The following PRKDC variants were observed in gnomAD, a reference collection of about 807,000 sequenced individuals.
The protein encoded by PRKDC is DNA-dependent protein kinase catalytic subunit.
PRKDC carries 82 observed loss-of-function variants against 486.9 expected under a neutral mutation model. The observed-to-expected ratio is 0.17, with a 90% CI of 0.14 to 0.20. PRKDC has a LOEUF of 0.20. PRKDC is among the 10% of genes least tolerant of loss of function. The pLI is 1.00. For missense variants in PRKDC, 4,504 were observed against 5,038.2 expected (o/e 0.89, Z 3.21); for synonymous variants, 1,895 against 1,837.0 (o/e 1.03, Z -0.81).
At chr8:47,881,568 T>G in intron 37 of PRKDC, 48 bp from the exon 38 acceptor site, 61 of 945,244 alleles carry the variant, frequency 6.5e-5, no homozygotes, top group Middle Eastern at 2.1e-4. Flanking sequence ...ATTACATCTC[T>G]ATTTCCTTTA....
At chr8:47,835,096 G>A (rs2087985367) in intron 58 of PRKDC, among the ~76,000 whole-genome samples, 2 of 152,086 alleles carry the variant, frequency 1.3e-5, no homozygotes, top group Admixed American at 6.5e-5. Context: ...AAGGAGAAAC[G>A]TTAAAGAGTT....
At chr8:47,942,185 T>A (rs1285075792) in intron 10 of PRKDC, among the ~76,000 whole-genome samples, 2 of 152,280 alleles carry the variant, frequency 1.3e-5, no homozygotes, top group Non-Finnish European at 2.9e-5. Context: ...AACATATTCA[T>A]ATGAATCAGT....
rs74730533 is a variant in PRKDC, at chr8:47,851,297, T to C, written c.7005+1376A>G. 2.6e-5 allele frequency among the ~76,000 whole-genome samples: 4 copies of C among 152,344 alleles called. No individual in the cohort carries two copies. In the East Asian group the frequency reaches 7.7e-4, roughly 29 times the overall value. ...CCATTTATGGTGGAAATGAAACATATTATGTAGATTTAAACCTCATATTTA... is the reference window on the plus strand; with the variant it reads ...CCATTTATGGTGGAAATGAAACATACTATGTAGATTTAAACCTCATATTTA... On this transcript the variant is annotated intron_variant, in intron 52 of 85. Transcript: ENST00000314191.
intron 27 of PRKDC, among the ~76,000 whole-genome samples, chr8:47,901,595 G>A (rs8178074): frequency 0.024 from 3,643 of 152,324 alleles, 57 homozygotes; most frequent in Middle Eastern, 0.041. Context: ...GGCAGCACAC[G>A]CTCTGTTTCC....
At chr8:47,841,948 C>G (rs189106436) in intron 54 of PRKDC, among the ~76,000 whole-genome samples, 1 of 152,214 alleles carries the variant, frequency 6.6e-6, no homozygotes, top group Non-Finnish European at 1.5e-5. Flanking sequence ...GCTGTGGGCA[C>G]CTCACCAGCT....
intron 80 of PRKDC, among the ~76,000 whole-genome samples, chr8:47,780,219 C>T (rs1299221375): frequency 6.6e-6 from 1 of 152,104 alleles, no homozygotes; most frequent in African/African-American, 2.4e-5. Context: ...CCAGCCAGTG[C>T]CACATCTTTC....
At position 47,926,066 on chromosome 8, in the gene PRKDC, T is replaced by C. The variant is rs149074799; in HGVS notation, c.2419+1128A>G. Reference sequence around the variant, plus strand: ...AAACAATCACAGTAACTTCCTTTACTAATCTAAAACTTTTCAATGAGTTAA... The same window carrying C: ...AAACAATCACAGTAACTTCCTTTACCAATCTAAAACTTTTCAATGAGTTAA... On this transcript the variant is annotated intron_variant, in intron 21 of 85. Transcript: ENST00000314191. Among the ~76,000 whole-genome samples the C allele has an allele frequency of 3.1e-3, 471 of 152,316 alleles. 3 individuals carry two copies. The highest frequency in any genetic ancestry group is 0.011 in the African/African-American group (448 of 41,570).
At chr8:47,798,205 T>C in intron 73 of PRKDC, 32 bp downstream of exon 73, 2 of 1,597,694 alleles carry the variant, frequency 1.3e-6, no homozygotes, top group South Asian at 1.1e-5. Flanking sequence ...TCTGTAAAGT[T>C]CCTTACCGCC....
intron 31 of PRKDC, 79 bp from the exon 32 acceptor site, chr8:47,890,559 G>T: frequency 9.0e-7 from 1 of 1,110,142 alleles, no homozygotes; most frequent in Non-Finnish European, 1.3e-6. Flanking sequence ...GCTTCTGTAA[G>T]TATAGGCATG....
At chr8:47,905,383 A>C (rs567846991) in intron 25 of PRKDC, among the ~76,000 whole-genome samples, 1 of 152,294 alleles carries the variant, frequency 6.6e-6, no homozygotes, top group East Asian at 1.9e-4. Context: ...GCAAAGAAAA[A>C]TATGCAACAA....
At chr8:47,784,003 A>G in intron 77 of PRKDC, 194 bp from the exon 78 acceptor site, 1 of 572,028 alleles carries the variant, frequency 1.7e-6, no homozygotes, top group Non-Finnish European at 3.1e-6. Context: ...TCACGCCTGT[A>G]ATCCCAGCAC....
At chr8:47,931,779 C>G (rs888004946) in intron 16 of PRKDC, among the ~76,000 whole-genome samples, 7 of 152,194 alleles carry the variant, frequency 4.6e-5, no homozygotes, top group African/African-American at 1.7e-4. Flanking sequence ...CGAAAGCAAG[C>G]AAGACACCTT....
Position 47,861,081 on chromosome 8 carries a change from C to G in PRKDC, c.5986-110G>C, listed in dbSNP as rs576831874. ...AAAAATTATAAATTTTTAAACAAAA[C>G]AAAACAAATTTAAAAGCACTCAAAA... On this transcript the variant is annotated intron_variant, in intron 44 of 85. Transcript: ENST00000314191. 558 of 788,494 alleles carry G rather than the reference C, an allele frequency of 7.1e-4. 3 individuals carry two copies. The African/African-American group carries it at 9.5e-3, about 13-fold the overall frequency. The allele number at this position is 788,494 out of a possible 1,614,324, so 48.8% of individuals were successfully genotyped here.
intron 85 of PRKDC, among the ~76,000 whole-genome samples, chr8:47,776,157 T>G (rs1164891145): frequency 1.3e-5 from 2 of 152,214 alleles, no homozygotes; most frequent in Non-Finnish European, 2.9e-5. Context: ...TTTTGACTCT[T>G]ACACTTAGCT....
chr8:47,893,006 G>A, intron 31 of PRKDC, 133 bp downstream of exon 31: 8 of 1,029,836 alleles, frequency 7.8e-6, no homozygotes, highest in Non-Finnish European at 1.0e-5. Flanking sequence ...TTGCAGAGAA[G>A]TGACATGAAA....
At chr8:47,827,293 G>A (rs915546988) in intron 62 of PRKDC, among the ~76,000 whole-genome samples, 1 of 151,868 alleles carries the variant, frequency 6.6e-6, no homozygotes, top group East Asian at 1.9e-4. Flanking sequence ...TAACCAATTC[G>A]TTTGTAAACC....
chr8:47,801,495 A>G (rs1439604768), intron 70 of PRKDC, among the ~76,000 whole-genome samples: 1 of 152,248 alleles, frequency 6.6e-6, no homozygotes. Flanking sequence ...CTTTGTTAGA[A>G]GTAACTGTAT....
chr8:47,864,832 A>G (rs1589751926), intron 40 of PRKDC, 69 bp from the exon 41 acceptor site: 10 of 1,306,594 alleles, frequency 7.7e-6, no homozygotes, highest in Admixed American at 2.8e-5. Flanking sequence ...TGCCTACTAC[A>G]TAACAGGCAA....
Position 47,774,035 on chromosome 8 carries a change from C to A in PRKDC, c.*138G>T. 1.2e-6 allele frequency: 1 copy of A among 841,148 alleles called. No individual in the cohort carries two copies. 52.1% of individuals were successfully genotyped at this position (841,148 alleles called of 1,614,324 possible). A position where few individuals can be genotyped will look rare whatever the true frequency, so the allele number is the denominator to read the frequency against. ...TTACTCATCATAATCTTGATTTAAA[C>A]TCATGCTACGAAACTGTAGCACAAA... On this transcript the variant is annotated 3_prime_UTR_variant, in exon 86 of 86. Transcript: ENST00000314191.
Sources: allele counts gnomAD v4.1 joint callset (sites outside exome capture counted in the v4.1 genomes callset), GRCh38; gene constraint gnomAD v4.1.1; transcripts MANE v1.5; gene names NCBI Gene and HGNC (gene_info 2026-07-23, HGNC 2026-07-21).